Variants in LONRF2 observed in about 807,000 individuals in gnomAD.
The protein encoded by LONRF2 is LON peptidase N-terminal domain and RING finger protein 2.
A neutral mutation model predicts 66.6 loss-of-function variants in LONRF2; 35 were observed. The ratio of observed to expected loss-of-function variants is 0.53; its 90% CI spans 0.40 to 0.70. The LOEUF (loss-of-function observed/expected upper bound fraction) is 0.70. Ranked by LOEUF, LONRF2 falls within the 30% of genes least tolerant of loss-of-function variation. LONRF2 has a pLI of 0.00. For missense variants in LONRF2, 902 were observed against 1,002.1 expected (o/e 0.90, Z 1.35); for synonymous variants, 417 against 418.1 (o/e 1.00, Z 0.03).
intron 11 of LONRF2, among the ~76,000 whole-genome samples, chr2:100,286,681 C>A (rs1376375234): frequency 6.6e-6 from 1 of 152,148 alleles, no homozygotes; most frequent in Non-Finnish European, 1.5e-5. Flanking sequence ...GCAGAATAAA[C>A]TGATTGTTGT....
intron 7 of LONRF2, 136 bp from the exon 8 acceptor site, chr2:100,295,689 G>A: frequency 1.3e-6 from 1 of 789,642 alleles, no homozygotes; most frequent in African/African-American, 1.8e-5. Context: ...GGAGAGAGAG[G>A]CGGGCCAGCC....
At chr2:100,293,101 C>T (rs1239687568) in intron 9 of LONRF2, among the ~76,000 whole-genome samples, 1 of 152,172 alleles carries the variant, frequency 6.6e-6, no homozygotes, top group Non-Finnish European at 1.5e-5. Context: ...TGCTTTTCTA[C>T]ACGGATTCTA....
intron 7 of LONRF2, among the ~76,000 whole-genome samples, chr2:100,296,402 A>T (rs562997173): frequency 6.6e-4 from 100 of 152,270 alleles, no homozygotes; most frequent in African/African-American, 2.3e-3. Flanking sequence ...GCTGTGATTC[A>T]GAAAGGGTAA....
Position 100,283,889 on chromosome 2 carries a change from T to C in LONRF2, c.*409A>G, listed in dbSNP as rs1056825732. Reference sequence around the variant, plus strand: ...ATCCACTTCCAGATAAAAACGTGGTTCCCCCATATTGTCTACACACTAAAG... The same window carrying C: ...ATCCACTTCCAGATAAAAACGTGGTCCCCCCATATTGTCTACACACTAAAG... On this transcript the variant is annotated 3_prime_UTR_variant, in exon 12 of 12. Coordinates refer to ENST00000393437, the MANE Select transcript of LONRF2 (RefSeq NM_198461.4). 6.5e-6 allele frequency: 1 copy of C among 154,954 alleles called. No individual in the cohort carries two copies. The highest frequency in any genetic ancestry group is 2.4e-5 in the African/African-American group (1 of 41,516). 9.6% of individuals were successfully genotyped at this position (154,954 alleles called of 1,614,324 possible).
chr2:100,279,236 C>T lies in LONRF2; in HGVS notation c.*5062G>A. The T allele has an allele frequency of 6.6e-6, 1 of 152,384 alleles. No homozygotes were observed. The highest frequency in any genetic ancestry group is 1.5e-5 in the Non-Finnish European group (1 of 68,138). The allele number at this position is 152,384 out of a possible 1,614,324, so 9.4% of individuals were successfully genotyped here. ...CCCAGCCACACAACCGCCAGACCTG[C>T]CACCCCGAGCCGAGAAACACCGCGA... On this transcript the variant is annotated 3_prime_UTR_variant, in exon 12 of 12. Transcript: ENST00000393437.
intron 1 of LONRF2, among the ~76,000 whole-genome samples, chr2:100,320,753 G>A (rs573328924): frequency 6.6e-6 from 1 of 152,326 alleles, no homozygotes; most frequent in African/African-American, 2.4e-5. Flanking sequence ...CAGCTAAATA[G>A]TGTTAACAGG....
Position 100,321,425 on chromosome 2 carries a change from G to C in LONRF2, c.669C>G (p.Ala223=). Residue 223 remains alanine (A), a synonymous_variant, in exon 1 of 12, where the codon GCC becomes GCG. Transcript: ENST00000393437. ...PEAALLRCDQ[A]LELAPDDNSL... ...CCGCAGCCGACTCACCCAGCTCCAG[G>C]GCCTGGTCGCACCTGAGCAGCGCGG... 6.8e-7 allele frequency: 1 copy of C among 1,480,376 alleles called. No homozygotes were observed. The highest frequency in any genetic ancestry group is 1.5e-5 in the African/African-American group (1 of 68,570). 91.7% of individuals were successfully genotyped at this position (1,480,376 alleles called of 1,614,324 possible).
At chr2:100,313,123 C>T (rs546848362) in intron 1 of LONRF2, among the ~76,000 whole-genome samples, 15 of 152,316 alleles carry the variant, frequency 9.8e-5, no homozygotes, top group African/African-American at 3.6e-4. Flanking sequence ...CACTGTTGTA[C>T]TAGGAGCTAG....
intron 7 of LONRF2, 147 bp downstream of exon 7, chr2:100,298,689 C>T (rs1012840097): frequency 1.7e-6 from 1 of 594,802 alleles, no homozygotes; most frequent in Admixed American, 2.9e-5. Flanking sequence ...CTTGATTCAT[C>T]AAAGAGATGA....
At chr2:100,306,384 T>C (rs998488671) in intron 2 of LONRF2, among the ~76,000 whole-genome samples, 1 of 152,238 alleles carries the variant, frequency 6.6e-6, no homozygotes, top group Non-Finnish European at 1.5e-5. Context: ...GTTTCAAGTT[T>C]TTCATACATG....
chr2:100,321,440 G>A lies in LONRF2; in HGVS notation c.654C>T (p.Leu218=), dbSNP rs767788019. Residue 218 remains leucine (L), a synonymous_variant, in exon 1 of 12, where the codon CTC becomes CTT. Coordinates refer to ENST00000393437, the MANE Select transcript of LONRF2 (RefSeq NM_198461.4). ...QRQQQPEAAL[L]RCDQALELAP... is the part of the protein sequence containing the mutation. ...CCAGCTCCAGGGCCTGGTCGCACCT[G>A]AGCAGCGCGGCCTCCGGCTGCTGCT... is the stretch of plus-strand genomic sequence containing the variant. The A allele has an allele frequency of 4.0e-6, 6 of 1,492,162 alleles. No individual in the cohort carries two copies. The highest frequency in any genetic ancestry group is 2.2e-5 in the Admixed American group (1 of 44,482). The allele number at this position is 1,492,162 out of a possible 1,614,324, so 92.4% of individuals were successfully genotyped here.
At position 100,272,949 on chromosome 2, in the gene LONRF2, C is replaced by T. The variant is rs756639070; in HGVS notation, c.*11349G>A. 6.6e-6 allele frequency among the ~76,000 whole-genome samples: 1 copy of T among 152,190 alleles called. No homozygotes were observed. Among genetic ancestry groups the T allele is most frequent in the Non-Finnish European group, 1.5e-5 (1 of 68,032 alleles). On this transcript the variant is annotated 3_prime_UTR_variant, in exon 12 of 12. Coordinates refer to ENST00000393437, the MANE Select transcript of LONRF2 (RefSeq NM_198461.4). ...TGTTGAATACTGTTCCTCTAAAATT[C>T]ATGTCCACTAGAACCTGTGGATATA...
At chr2:100,284,661 A>C (rs1432833510) in intron 11 of LONRF2, among the ~76,000 whole-genome samples, 169 bp from the exon 12 acceptor site, 1 of 152,242 alleles carries the variant, frequency 6.6e-6, no homozygotes, top group African/African-American at 2.4e-5. Flanking sequence ...GTTTACTTTT[A>C]TGGTACACAT....
Position 100,290,244 on chromosome 2 carries a change from A to T in LONRF2, c.1920+14T>A. The stretch of plus-strand genomic sequence containing the variant: ...ACCGACTGCTATAAAATACACCAGT[A>T]TGATAAGCCTTACCTTTTCATCTTC... On this transcript the variant is annotated intron_variant, in intron 10 of 11. Coordinates refer to ENST00000393437, the MANE Select transcript of LONRF2 (RefSeq NM_198461.4). 1 of 1,604,850 alleles carries T rather than the reference A, an allele frequency of 6.2e-7. No homozygotes were observed. Among genetic ancestry groups the T allele is most frequent in the Non-Finnish European group, 8.5e-7 (1 of 1,175,538 alleles).
intron 4 of LONRF2, among the ~76,000 whole-genome samples, chr2:100,300,252 A>AT (rs35877708): frequency 0.67 from 100,418 of 150,250 alleles, 33,745 homozygotes; most frequent in East Asian, 0.93. Context: ...CCTTTGCTTT[A>AT]TTTTTTTTTA....
At chr2:100,316,856 T>C (rs1266672757) in intron 1 of LONRF2, among the ~76,000 whole-genome samples, 1 of 152,242 alleles carries the variant, frequency 6.6e-6, no homozygotes, top group Non-Finnish European at 1.5e-5. Context: ...GTGTGTACAC[T>C]TGTTGTTAGG....
At chr2:100,316,115 C>T (rs527825448) in intron 1 of LONRF2, among the ~76,000 whole-genome samples, 27 of 151,932 alleles carry the variant, frequency 1.8e-4, no homozygotes, top group African/African-American at 5.8e-4. Flanking sequence ...GGTCAGAGAT[C>T]GAGAGCATCC....
Position 100,321,583 on chromosome 2 carries a change from G to A in LONRF2, c.511C>T (p.Pro171Ser). The change falls in exon 1 of 12, where the codon CCC (proline) becomes TCC (serine). Residue 171 changes from proline (P) to serine (S), a missense_variant. This residue lies in a region of LONRF2 where 585 missense variants were observed against 569.9 expected (regional missense o/e 1.03). Coordinates refer to ENST00000393437, the MANE Select transcript of LONRF2 (RefSeq NM_198461.4). ...TVCKRCVEPG[P>S]ARPQVRRVNV... ...ACGCGCCGCACCTGCGGCCGCGCGG[G>A]CCCTGGCTCCACGCAGCGCTTGCAG... is the stretch of plus-strand genomic sequence containing the variant. 1.3e-6 allele frequency: 2 copies of A among 1,530,220 alleles called. No homozygotes were observed. The highest frequency in any genetic ancestry group is 1.4e-5 in the African/African-American group (1 of 69,988). The allele number at this position is 1,530,220 out of a possible 1,614,324, so 94.8% of individuals were successfully genotyped here.
intron 3 of LONRF2, among the ~76,000 whole-genome samples, chr2:100,302,435 T>C (rs1375541074): frequency 6.6e-6 from 1 of 152,184 alleles, no homozygotes. Context: ...TCATTGGAAA[T>C]GCTAAGTAAA....
Sources: gnomAD v4.1 joint callset for allele counts (sites outside exome capture counted in the v4.1 genomes callset) on GRCh38, gnomAD v4.1.1 for gene constraint, gnomAD v4.1.1 regional missense constraint, MANE v1.5 for transcripts, NCBI Gene and HGNC (gene_info 2026-07-23, HGNC 2026-07-21) for gene names.